The following ARHGAP24 variants were observed in gnomAD, a reference collection of about 807,000 sequenced individuals.
The protein encoded by ARHGAP24 is Rho GTPase activating protein 24, also known as rho GTPase-activating protein 24.
A neutral mutation model predicts 76.4 loss-of-function variants in ARHGAP24; 50 were observed. That is an observed-to-expected ratio of 0.65 (90% CI 0.52 to 0.83). The LOEUF is 0.83. Among genes scored for constraint, ARHGAP24 ranks in the 40% least tolerant of loss-of-function variants. The pLI is 0.00. For missense variants in ARHGAP24, 930 were observed against 914.2 expected (o/e 1.02, Z -0.22); for synonymous variants, 345 against 323.3 (o/e 1.07, Z -0.72).
intron 3 of ARHGAP24, among the ~76,000 whole-genome samples, chr4:85,874,068 G>A (rs1732684925): frequency 6.6e-6 from 1 of 152,034 alleles, no homozygotes; most frequent in South Asian, 2.1e-4. Context: ...AAATATTGAG[G>A]CTTAGGTTTT....
intron 2 of ARHGAP24, among the ~76,000 whole-genome samples, chr4:85,678,684 A>G (rs1723088507): frequency 6.6e-6 from 1 of 152,206 alleles, no homozygotes; most frequent in East Asian, 1.9e-4. Context: ...TGCAAAATAA[A>G]GTGTAACTAC....
chr4:85,538,081 C>G (rs1725541011), intron 1 of ARHGAP24, among the ~76,000 whole-genome samples: 1 of 151,664 alleles, frequency 6.6e-6, no homozygotes, highest in Non-Finnish European at 1.5e-5. Context: ...ATGCTTTACC[C>G]TGGTAATCAT....
rs1560566224 is a variant in ARHGAP24, at chr4:85,643,230, T to TTGTGTG, written c.180+72514_180+72515insGTGTGT. Among the ~76,000 whole-genome samples the TTGTGTG allele has an allele frequency of 4.9e-3, 501 of 103,288 alleles. 23 individuals are homozygous for TTGTGTG. The highest frequency in any genetic ancestry group is 0.017 in the African/African-American group (480 of 27,820). The allele number at this position is 103,288 out of a possible 152,430, so 67.8% of individuals were successfully genotyped here. A position where few individuals can be genotyped will look rare whatever the true frequency, so the allele number is the denominator to read the frequency against. ...CTTTTCTTTTTTATTTTCCGTTTTT[T>TTGTGTG]TGTGTTTTTTTTTTTTTTTTTTTTT... On this transcript the variant is annotated intron_variant, in intron 2 of 9. Coordinates refer to ENST00000395184, the MANE Select transcript of ARHGAP24 (RefSeq NM_001025616.3).
At chr4:85,649,810 A>G (rs953421347) in intron 2 of ARHGAP24, among the ~76,000 whole-genome samples, 3 of 152,158 alleles carry the variant, frequency 2.0e-5, no homozygotes, top group African/African-American at 4.8e-5. Context: ...TGTCCTGCAT[A>G]TATTCAGTAG....
chr4:85,705,919 T>C (rs1313701760), intron 2 of ARHGAP24, among the ~76,000 whole-genome samples: 2 of 136,842 alleles, frequency 1.5e-5, no homozygotes, highest in Non-Finnish European at 3.0e-5. Context: ...TCTTAACAGA[T>C]GAATAAAATA....
intron 3 of ARHGAP24, among the ~76,000 whole-genome samples, chr4:85,805,362 C>G (rs1274035031): frequency 6.6e-6 from 1 of 152,122 alleles, no homozygotes; most frequent in African/African-American, 2.4e-5. Context: ...TTCTTCAGAG[C>G]ACAGTCAGGA....
intron 2 of ARHGAP24, among the ~76,000 whole-genome samples, chr4:85,578,641 C>T (rs916842028): frequency 6.6e-6 from 1 of 152,104 alleles, no homozygotes; most frequent in African/African-American, 2.4e-5. Context: ...TCATAAAATA[C>T]CTATCTCAGA....
intron 2 of ARHGAP24, among the ~76,000 whole-genome samples, chr4:85,651,726 G>A (rs13131183): frequency 0.59 from 84,243 of 142,856 alleles, 26,243 homozygotes; most frequent in Non-Finnish European, 0.64. Context: ...ATTTGCATCC[G>A]TATAATTTTA....
chr4:85,506,436 C>G (rs1724050615), intron 1 of ARHGAP24, among the ~76,000 whole-genome samples: 1 of 152,210 alleles, frequency 6.6e-6, no homozygotes, highest in Non-Finnish European at 1.5e-5. Flanking sequence ...TTTACCTACT[C>G]AAGCCTCAGC....
chr4:85,716,208 T>C (rs1244888615), intron 2 of ARHGAP24, among the ~76,000 whole-genome samples: 2 of 152,108 alleles, frequency 1.3e-5, no homozygotes, highest in Non-Finnish European at 2.9e-5. Context: ...CATCTACCCT[T>C]ACCCCAATCT....
chr4:85,910,442 T>C (rs1036988705), intron 3 of ARHGAP24, among the ~76,000 whole-genome samples: 3 of 152,166 alleles, frequency 2.0e-5, no homozygotes, highest in African/African-American at 4.8e-5. Flanking sequence ...AGGAGCTTTG[T>C]TGAGCAATAG....
At chr4:85,853,167 T>G (rs1731336208) in intron 3 of ARHGAP24, among the ~76,000 whole-genome samples, 2 of 152,164 alleles carry the variant, frequency 1.3e-5, no homozygotes, top group Admixed American at 1.3e-4. Flanking sequence ...TTTACCTACT[T>G]AAGCCTCAGC....
chr4:85,772,966 T>C (rs1372171756), intron 3 of ARHGAP24, among the ~76,000 whole-genome samples: 2 of 152,198 alleles, frequency 1.3e-5, no homozygotes, highest in Non-Finnish European at 2.9e-5. Flanking sequence ...TGATTTCAAA[T>C]TGTGCGATCA....
chr4:85,656,036 G>C (rs561527181), intron 2 of ARHGAP24, among the ~76,000 whole-genome samples: 1 of 152,062 alleles, frequency 6.6e-6, no homozygotes, highest in East Asian at 1.9e-4. Context: ...AATTAAACTT[G>C]CAAATTTCAA....
intron 3 of ARHGAP24, among the ~76,000 whole-genome samples, chr4:85,806,082 T>G (rs1170705588): frequency 6.6e-6 from 1 of 152,192 alleles, no homozygotes; most frequent in Non-Finnish European, 1.5e-5. Context: ...TTGACCAGAT[T>G]TTCAAAGCTT....
In ARHGAP24 at chr4:85,999,019, T is replaced by C. The variant is rs565992949; in HGVS notation, c.2004-1460T>C. On this transcript the variant is annotated intron_variant, in intron 9 of 9. Transcript: ENST00000395184. Reference sequence around the variant, plus strand: ...TAACCTTGATGATGTATTTTAAAAATATATTTCTTAAAACTTTTCCAGCAC... The same window carrying C: ...TAACCTTGATGATGTATTTTAAAAACATATTTCTTAAAACTTTTCCAGCAC... 1.5e-4 allele frequency among the ~76,000 whole-genome samples: 23 copies of C among 152,362 alleles called. No individual in the cohort carries two copies. In the East Asian group the frequency reaches 3.7e-3, roughly 24 times the overall value.
intron 5 of ARHGAP24, 41 bp downstream of exon 5, chr4:85,942,314 T>G: frequency 6.2e-7 from 1 of 1,604,746 alleles, no homozygotes; most frequent in Non-Finnish European, 8.5e-7. Context: ...ACTGAGAAAT[T>G]CAGACTCAAC....
At chr4:85,959,522 C>T (rs183079535) in intron 5 of ARHGAP24, among the ~76,000 whole-genome samples, 4 of 152,312 alleles carry the variant, frequency 2.6e-5, no homozygotes, top group Admixed American at 2.6e-4. Context: ...CATGTCATAA[C>T]ATATATCAGT....
At chr4:85,565,818 ATTC>A (rs1434106826) in intron 1 of ARHGAP24, among the ~76,000 whole-genome samples, 1 of 152,180 alleles carries the variant, frequency 6.6e-6, no homozygotes, top group African/African-American at 2.4e-5. Flanking sequence ...ATGCTTATAT[ATTC>A]TTTGTTGAAA....
Sources: gnomAD v4.1 joint callset for allele counts (sites outside exome capture counted in the v4.1 genomes callset) on GRCh38, gnomAD v4.1.1 for gene constraint, MANE v1.5 for transcripts, NCBI Gene and HGNC (gene_info 2026-07-23, HGNC 2026-07-21) for gene names.